The following MACROD2 variants were observed in gnomAD, a reference collection of about 807,000 sequenced individuals.
The protein encoded by MACROD2 is ADP-ribose glycohydrolase MACROD2.
Under a neutral mutation model 70.4 loss-of-function variants are expected in MACROD2, and 36 were observed. The ratio of observed to expected loss-of-function variants is 0.51; its 90% CI spans 0.39 to 0.68. The LOEUF is 0.68. MACROD2 is among the 30% of genes least tolerant of loss of function. MACROD2 has a pLI of 0.00. For missense variants in MACROD2, 496 were observed against 538.4 expected (o/e 0.92, Z 0.78); for synonymous variants, 172 against 178.8 (o/e 0.96, Z 0.30).
intron 8 of MACROD2, among the ~76,000 whole-genome samples, chr20:15,740,535 G>C (rs866291164): frequency 1.2e-4 from 18 of 152,244 alleles, no homozygotes; most frequent in South Asian, 2.1e-4. Flanking sequence ...ACTGGGAAGA[G>C]ATAGGGCAAC....
chr20:14,330,336 C>G (rs1457737135), intron 3 of MACROD2, among the ~76,000 whole-genome samples: 1 of 151,984 alleles, frequency 6.6e-6, no homozygotes, highest in African/African-American at 2.4e-5. Context: ...GTCATCCACT[C>G]TGATACTTTG....
chr20:15,218,466 A>G (rs943097387), intron 5 of MACROD2, among the ~76,000 whole-genome samples: 7 of 152,192 alleles, frequency 4.6e-5, no homozygotes, highest in Admixed American at 4.6e-4. Context: ...AGCATGAGGA[A>G]GTAAAACTAC....
At chr20:14,225,722 A>G (rs191578023) in intron 3 of MACROD2, among the ~76,000 whole-genome samples, 74 of 152,344 alleles carry the variant, frequency 4.9e-4, no homozygotes, top group Middle Eastern at 6.8e-3. Context: ...ATGAGATTCC[A>G]TATGGATATT....
At chr20:15,763,183 C>T (rs1038062019) in intron 8 of MACROD2, among the ~76,000 whole-genome samples, 1 of 152,176 alleles carries the variant, frequency 6.6e-6, no homozygotes, top group African/African-American at 2.4e-5. Flanking sequence ...CCGCCACTGA[C>T]ATATCTCAGT....
chr20:15,977,250 A>G (rs2066320524), intron 13 of MACROD2, among the ~76,000 whole-genome samples: 1 of 152,226 alleles, frequency 6.6e-6, no homozygotes, highest in Non-Finnish European at 1.5e-5. Flanking sequence ...CACTCAGTAA[A>G]CAAACAGTGA....
At chr20:14,258,885 T>C (rs1048982618) in intron 3 of MACROD2, among the ~76,000 whole-genome samples, 2 of 152,196 alleles carry the variant, frequency 1.3e-5, no homozygotes, top group African/African-American at 4.8e-5. Context: ...TTGATTTTTG[T>C]ATAAGGTAAG....
intron 5 of MACROD2, among the ~76,000 whole-genome samples, chr20:14,776,733 G>T (rs2072239217): frequency 6.6e-6 from 1 of 152,020 alleles, no homozygotes; most frequent in Non-Finnish European, 1.5e-5. Context: ...ATATTGGAAT[G>T]TGCAAGTATC....
At chr20:14,802,604 TA>T (rs199965208) in intron 5 of MACROD2, among the ~76,000 whole-genome samples, 2,050 of 152,098 alleles carry the variant, frequency 0.013, 49 homozygotes, top group African/African-American at 0.047. Flanking sequence ...ATTTTTGAAA[TA>T]AAAATATATA....
chr20:15,510,750 A>C (rs1034764934), intron 8 of MACROD2, among the ~76,000 whole-genome samples: 9 of 152,334 alleles, frequency 5.9e-5, no homozygotes, highest in Non-Finnish European at 1.0e-4. Flanking sequence ...AAAACATCCG[A>C]AGACTGTGGG....
intron 5 of MACROD2, among the ~76,000 whole-genome samples, chr20:14,686,814 A>T (rs1261062922): frequency 6.6e-6 from 1 of 152,096 alleles, no homozygotes; most frequent in Non-Finnish European, 1.5e-5. Context: ...ATGCTGTTTA[A>T]TTTTTCCTTT....
At chr20:14,757,002 C>A (rs1167624988) in intron 5 of MACROD2, among the ~76,000 whole-genome samples, 1 of 152,066 alleles carries the variant, frequency 6.6e-6, no homozygotes, top group African/African-American at 2.4e-5. Context: ...TTCCTGAGGC[C>A]TCCCCAGCCA....
chr20:15,785,045 G>C (rs953433622), intron 8 of MACROD2, among the ~76,000 whole-genome samples: 1 of 151,662 alleles, frequency 6.6e-6, no homozygotes, highest in African/African-American at 2.4e-5. Context: ...CCAGCTACTC[G>C]GGAGGCTGAG....
chr20:14,086,218 A>T, intron 3 of MACROD2: 1 of 388,700 alleles, frequency 2.6e-6, no homozygotes, highest in Non-Finnish European at 5.1e-6. Context: ...TCATTATGAA[A>T]TGCTTAATTT....
chr20:15,769,476 G>A (rs2051586562), intron 8 of MACROD2, among the ~76,000 whole-genome samples: 1 of 152,158 alleles, frequency 6.6e-6, no homozygotes, highest in South Asian at 2.1e-4. Flanking sequence ...TAACTATTAT[G>A]TATGTATATA....
intron 8 of MACROD2, among the ~76,000 whole-genome samples, chr20:15,697,074 G>A (rs146360903): frequency 6.6e-6 from 1 of 151,826 alleles, no homozygotes; most frequent in Non-Finnish European, 1.5e-5. Flanking sequence ...CTGATCTTGG[G>A]TATTTCCTTT....
At chr20:14,192,230 T>G (rs897992142) in intron 3 of MACROD2, among the ~76,000 whole-genome samples, 3 of 152,298 alleles carry the variant, frequency 2.0e-5, no homozygotes, top group African/African-American at 7.2e-5. Context: ...GTGTATTTTT[T>G]TTTGTTTCTC....
At chr20:15,998,063 C>T (rs1485552349) in intron 15 of MACROD2, among the ~76,000 whole-genome samples, 1 of 152,152 alleles carries the variant, frequency 6.6e-6, no homozygotes, top group Non-Finnish European at 1.5e-5. Flanking sequence ...TCCTTCTAAA[C>T]TGCTGTTGAA....
intron 3 of MACROD2, among the ~76,000 whole-genome samples, chr20:14,398,611 TA>T (rs1047113268): frequency 2.2e-4 from 33 of 152,190 alleles, no homozygotes; most frequent in African/African-American, 6.5e-4. Flanking sequence ...CAAATGGGAT[TA>T]TTTTTTATTT....
intron 4 of MACROD2, among the ~76,000 whole-genome samples, chr20:14,629,959 C>CTA (rs1984413152): frequency 7.1e-6 from 1 of 141,698 alleles, no homozygotes; most frequent in East Asian, 2.0e-4. Flanking sequence ...TAAGGTCTAT[C>CTA]TATCTATCTA....
Sources: gnomAD v4.1 joint callset for allele counts (sites outside exome capture counted in the v4.1 genomes callset) on GRCh38, gnomAD v4.1.1 for gene constraint, MANE v1.5 for transcripts, NCBI Gene and HGNC (gene_info 2026-07-23, HGNC 2026-07-21) for gene names.